FHOD3: variants seen among roughly 807,000 people sequenced by gnomAD.
FHOD3 encodes the protein FH1/FH2 domain-containing protein 3.
FHOD3 carries 90 observed loss-of-function variants against 173.0 expected under a neutral mutation model. That is an observed-to-expected ratio of 0.52 (90% CI 0.44 to 0.62). The LOEUF is 0.62. Ranked by LOEUF, FHOD3 falls within the 20% of genes least tolerant of loss-of-function variation. The pLI, the probability that FHOD3 is intolerant of heterozygous loss-of-function variation, is 0.00. For synonymous variants in FHOD3, 828 were observed against 823.0 expected (o/e 1.01, Z -0.10); for missense variants, 1,945 against 2,034.7 (o/e 0.96, Z 0.85).
intron 14 of FHOD3, among the ~76,000 whole-genome samples, chr18:36,674,166 C>A (rs2037705049): frequency 6.6e-6 from 1 of 152,156 alleles, no homozygotes; most frequent in Admixed American, 6.5e-5. Flanking sequence ...GAAATCTGAA[C>A]AATGAGCCCT....
chr18:36,743,092 C>T (rs1019507185), intron 22 of FHOD3, among the ~76,000 whole-genome samples: 5 of 85,900 alleles, frequency 5.8e-5, no homozygotes, highest in Admixed American at 1.4e-4. Flanking sequence ...GGGTGGATCA[C>T]GAGGTCAGGA....
At chr18:36,588,469 CAT>C (rs1203685004) in intron 6 of FHOD3, among the ~76,000 whole-genome samples, 1 of 152,148 alleles carries the variant, frequency 6.6e-6, no homozygotes, top group Non-Finnish European at 1.5e-5. Flanking sequence ...ATTTATATAA[CAT>C]ATATTTATGA....
rs566927346 is a variant in FHOD3, at chr18:36,412,549, G to C, written c.337+39805G>C. 5.3e-5 allele frequency among the ~76,000 whole-genome samples: 8 copies of C among 152,264 alleles called. No individual in the cohort carries two copies. The East Asian group carries it at 1.5e-3, about 29-fold the overall frequency. ...CATGTGTCTTGGAAAGATATTATGC[G>C]ATTTTCCCCATGTAAAAGTAAAAAT... On this transcript the variant is annotated intron_variant, in intron 3 of 28. Coordinates refer to ENST00000590592, the MANE Select transcript of FHOD3 (RefSeq NM_001281740.3).
At chr18:36,494,622 C>T (rs1352302616) in intron 3 of FHOD3, among the ~76,000 whole-genome samples, 1 of 152,166 alleles carries the variant, frequency 6.6e-6, no homozygotes, top group African/African-American at 2.4e-5. Context: ...CAGCCTGCCC[C>T]CAGCTTCTCC....
chr18:36,655,053 CTTTTTTT>C (rs56831321), intron 13 of FHOD3, among the ~76,000 whole-genome samples: 1 of 125,058 alleles, frequency 8.0e-6, no homozygotes. Context: ...TTTTTTCCTT[CTTTTTTT>C]TTTTTTTTTT....
chr18:36,724,542 G>A (rs1441252532), intron 19 of FHOD3, among the ~76,000 whole-genome samples: 1 of 152,084 alleles, frequency 6.6e-6, no homozygotes, highest in Non-Finnish European at 1.5e-5. Context: ...ACCCTAGAGG[G>A]GCTCACCTGC....
At chr18:36,671,421 A>AT (rs1477689744) in intron 14 of FHOD3, among the ~76,000 whole-genome samples, 2 of 152,136 alleles carry the variant, frequency 1.3e-5, no homozygotes, top group Admixed American at 6.5e-5. Flanking sequence ...TGTTTCATAG[A>AT]TTTTTTCTGG....
chr18:36,299,451 A>G (rs2080899692), intron 1 of FHOD3, among the ~76,000 whole-genome samples: 2 of 152,238 alleles, frequency 1.3e-5, no homozygotes, highest in Non-Finnish European at 2.9e-5. Context: ...ATGATTATTC[A>G]GGCCACTACG....
At chr18:36,571,406 C>T (rs936422676) in intron 5 of FHOD3, among the ~76,000 whole-genome samples, 1 of 152,084 alleles carries the variant, frequency 6.6e-6, no homozygotes, top group African/African-American at 2.4e-5. Context: ...ATAGACATAA[C>T]AGGTTTATAG....
At position 36,718,611 on chromosome 18, in the gene FHOD3, C is replaced by T. The variant is rs190397321; in HGVS notation, c.3313C>T (p.Arg1105Cys). Residue 1105 changes from arginine to cysteine, a missense_variant, in exon 19 of 29, where the codon CGC becomes TGC. Transcript: ENST00000590592. Reference protein sequence around the residue: ...PFDWPCKNNRRCREFLWSKLE... With the variant: ...PFDWPCKNNRCCREFLWSKLE... ...TGACTGGCCATGTAAAAACAACCGA[C>T]GCTGCAGAGAATTCCTGTGGTCAAA... 111 of 1,614,112 alleles carry T rather than the reference C, an allele frequency of 6.9e-5. No individual in the cohort carries two copies. In the African/African-American group the frequency reaches 8.8e-4, roughly 13 times the overall value.
chr18:36,361,685 C>CAAAAAAAAAA (rs539956783), intron 2 of FHOD3, among the ~76,000 whole-genome samples: 1 of 66,902 alleles, frequency 1.5e-5, no homozygotes, highest in Non-Finnish European at 3.5e-5. Flanking sequence ...GACTCCGTCT[C>CAAAAAAAAAA]AAAAAAAAAA....
chr18:36,334,084 C>T (rs111619437), intron 1 of FHOD3, among the ~76,000 whole-genome samples: 1 of 152,136 alleles, frequency 6.6e-6, no homozygotes, highest in Non-Finnish European at 1.5e-5. Context: ...GAGTGTGGTC[C>T]CCCCACATCA....
At chr18:36,347,375 T>C (rs1350565731) in intron 1 of FHOD3, among the ~76,000 whole-genome samples, 1 of 152,224 alleles carries the variant, frequency 6.6e-6, no homozygotes, top group African/African-American at 2.4e-5. Flanking sequence ...ATGGGAGACA[T>C]CCGGCCTTTG....
At chr18:36,598,150 C>T (rs1340270219) in intron 7 of FHOD3, among the ~76,000 whole-genome samples, 1 of 152,102 alleles carries the variant, frequency 6.6e-6, no homozygotes, top group East Asian at 1.9e-4. Context: ...TCCATTTGTG[C>T]ACAAGTTTAT....
At chr18:36,488,103 T>C (rs1568338280) in intron 3 of FHOD3, among the ~76,000 whole-genome samples, 1 of 152,250 alleles carries the variant, frequency 6.6e-6, no homozygotes, top group Non-Finnish European at 1.5e-5. Flanking sequence ...CTTTGCTTTA[T>C]GTGATACTTG....
intron 2 of FHOD3, among the ~76,000 whole-genome samples, chr18:36,358,348 T>C (rs576515122): frequency 6.6e-6 from 1 of 152,346 alleles, no homozygotes; most frequent in East Asian, 1.9e-4. Context: ...TCACTGACAC[T>C]ACAGTTCACC....
chr18:36,619,022 C>T (rs551543599), intron 9 of FHOD3, among the ~76,000 whole-genome samples: 1 of 152,316 alleles, frequency 6.6e-6, no homozygotes, highest in South Asian at 2.1e-4. Context: ...CTTGGGGGCT[C>T]ATCGCTATCT....
intron 3 of FHOD3, among the ~76,000 whole-genome samples, chr18:36,494,277 G>A (rs1415744668): frequency 6.6e-6 from 1 of 152,130 alleles, no homozygotes; most frequent in Non-Finnish European, 1.5e-5. Context: ...CCAATGCTTT[G>A]CCCTCTACTC....
chr18:36,676,740 G>A (rs1260905837), intron 14 of FHOD3, among the ~76,000 whole-genome samples: 1 of 152,136 alleles, frequency 6.6e-6, no homozygotes, highest in African/African-American at 2.4e-5. Context: ...TATCACTGTG[G>A]GTTTTGCTTG....
Sources: gnomAD v4.1 joint callset for allele counts (sites outside exome capture counted in the v4.1 genomes callset) on GRCh38, gnomAD v4.1.1 for gene constraint, MANE v1.5 for transcripts, NCBI Gene and HGNC (gene_info 2026-07-23, HGNC 2026-07-21) for gene names.